The following COL25A1 variants were observed in gnomAD, a reference collection of about 807,000 sequenced individuals.
COL25A1 encodes collagen alpha-1(XXV) chain.
Under a neutral mutation model 128.4 loss-of-function variants are expected in COL25A1, and 103 were observed. That is an observed-to-expected ratio of 0.80 (90% CI 0.68 to 0.94). The LOEUF (loss-of-function observed/expected upper bound fraction) is 0.94, where lower values mean the gene tolerates loss of function less well. Ranked by LOEUF, COL25A1 falls within the 40% of genes least tolerant of loss-of-function variation. COL25A1 has a pLI of 0.00. For missense variants in COL25A1, 745 were observed against 840.0 expected, an observed-to-expected ratio of 0.89 and a Z score of 1.40; for synonymous variants, 279 against 277.2, an observed-to-expected ratio of 1.01 and a Z score of -0.06.
chr4:109,068,092 A>G (rs1273622600), intron 3 of COL25A1, among the ~76,000 whole-genome samples: 2 of 152,190 alleles, frequency 1.3e-5, no homozygotes, highest in Admixed American at 6.5e-5. Flanking sequence ...AGCTGTGCAT[A>G]TCTTCAGTAG....
chr4:109,121,289 G>C (rs1329765613), intron 3 of COL25A1, among the ~76,000 whole-genome samples: 1 of 151,832 alleles, frequency 6.6e-6, no homozygotes, highest in Non-Finnish European at 1.5e-5. Context: ...AATATAACTG[G>C]ACCTCATTAA....
chr4:109,143,512 T>G (rs1386756735), intron 3 of COL25A1, among the ~76,000 whole-genome samples: 1 of 152,194 alleles, frequency 6.6e-6, no homozygotes, highest in Non-Finnish European at 1.5e-5. Context: ...TCCAACTTGA[T>G]TCCATTCTCC....
chr4:108,901,071 T>C (rs1390774640), intron 14 of COL25A1, 48 bp downstream of exon 14: 8 of 1,414,380 alleles, frequency 5.7e-6, no homozygotes, highest in Admixed American at 1.7e-5. Flanking sequence ...TACAATTTCC[T>C]GACAATTCGT....
chr4:108,831,901 T>C (rs1187375184), intron 32 of COL25A1, among the ~76,000 whole-genome samples: 1 of 152,174 alleles, frequency 6.6e-6, no homozygotes, highest in Admixed American at 6.5e-5. Flanking sequence ...AAACAGCCTA[T>C]CCTTTAGCTT....
intron 6 of COL25A1, among the ~76,000 whole-genome samples, chr4:108,980,568 G>A (rs1234160253): frequency 1.3e-5 from 2 of 152,258 alleles, no homozygotes; most frequent in Non-Finnish European, 2.9e-5. Flanking sequence ...TGGCCTAATT[G>A]GAAATAGCTG....
chr4:109,014,529 A>G (rs962972285), intron 5 of COL25A1, among the ~76,000 whole-genome samples: 2 of 152,248 alleles, frequency 1.3e-5, no homozygotes, highest in Non-Finnish European at 2.9e-5. Flanking sequence ...CATTCCTGCC[A>G]TTATACTGAC....
intron 3 of COL25A1, among the ~76,000 whole-genome samples, chr4:109,109,763 C>T (rs918286893): frequency 1.3e-5 from 2 of 152,160 alleles, no homozygotes; most frequent in African/African-American, 2.4e-5. Flanking sequence ...GACTGGCTAT[C>T]TTGCTCCCTA....
Position 109,144,475 on chromosome 4 carries a change from G to A in COL25A1, c.368-94296C>T, listed in dbSNP as rs141548899. Among the ~76,000 whole-genome samples the A allele has an allele frequency of 2.9e-3, 443 of 152,336 alleles. 3 individuals are homozygous for A. Among genetic ancestry groups the A allele is most frequent in the Middle Eastern group, 0.017 (5 of 294 alleles). On this transcript the variant is annotated intron_variant, in intron 3 of 37. Transcript: ENST00000399132. ...ACAGTCAGCAGGGAAGAACGCTTAA[G>A]TCTGCTGAAGTTGCGCCCACAGCCG...
chr4:109,120,370 T>C (rs867850757), intron 3 of COL25A1, among the ~76,000 whole-genome samples: 61 of 152,082 alleles, frequency 4.0e-4, no homozygotes, highest in African/African-American at 1.4e-3. Flanking sequence ...TGATTGCCTA[T>C]GGAGAAAATT....
chr4:109,250,684 T>C (rs948913596), intron 3 of COL25A1, among the ~76,000 whole-genome samples: 4 of 152,068 alleles, frequency 2.6e-5, no homozygotes, highest in African/African-American at 9.7e-5. Flanking sequence ...TTGGAAGAGG[T>C]TTTCCCATAT....
chr4:108,843,767 A>G (rs1164851712), intron 30 of COL25A1, among the ~76,000 whole-genome samples: 1 of 152,286 alleles, frequency 6.6e-6, no homozygotes, highest in East Asian at 1.9e-4. Flanking sequence ...CATAATAACT[A>G]TATATTTATG....
At chr4:109,158,947 G>A (rs1578318243) in intron 3 of COL25A1, among the ~76,000 whole-genome samples, 2 of 151,942 alleles carry the variant, frequency 1.3e-5, no homozygotes, top group African/African-American at 4.8e-5. Context: ...TAAAGGCTTT[G>A]CCTGCCAATG....
chr4:108,972,923 A>G (rs879496503), intron 8 of COL25A1, among the ~76,000 whole-genome samples: 11 of 152,168 alleles, frequency 7.2e-5, no homozygotes, highest in Admixed American at 1.3e-4. Flanking sequence ...TTTATAATCA[A>G]TCATCACTCT....
chr4:109,136,711 T>A (rs1032822939), intron 3 of COL25A1, among the ~76,000 whole-genome samples: 13 of 152,326 alleles, frequency 8.5e-5, no homozygotes, highest in Non-Finnish European at 1.9e-4. Flanking sequence ...GTAAGCCATG[T>A]GTGGCGGGCA....
intron 11 of COL25A1, among the ~76,000 whole-genome samples, chr4:108,931,158 T>C (rs1326581244): frequency 1.3e-5 from 2 of 152,230 alleles, no homozygotes; most frequent in South Asian, 2.1e-4. Flanking sequence ...AAACTTAGCA[T>C]ATGACTGTTC....
intron 3 of COL25A1, among the ~76,000 whole-genome samples, chr4:109,242,607 A>G (rs770099052): frequency 2.6e-5 from 4 of 152,098 alleles, no homozygotes; most frequent in Non-Finnish European, 4.4e-5. Context: ...CTCACATTCT[A>G]TGTAAAAGGT....
chr4:109,087,768 T>G (rs1764542335), intron 3 of COL25A1, among the ~76,000 whole-genome samples: 1 of 152,190 alleles, frequency 6.6e-6, no homozygotes, highest in Non-Finnish European at 1.5e-5. Context: ...TATTGCTTTT[T>G]GCATACAAAA....
At chr4:108,945,818 C>T (rs1373088030) in intron 8 of COL25A1, among the ~76,000 whole-genome samples, 1 of 152,068 alleles carries the variant, frequency 6.6e-6, no homozygotes, top group East Asian at 1.9e-4. Context: ...GCATGCACCA[C>T]CATGCCCAGC....
At chr4:108,833,481 A>C (rs1560717448) in intron 31 of COL25A1, among the ~76,000 whole-genome samples, 1 of 152,228 alleles carries the variant, frequency 6.6e-6, no homozygotes, top group African/African-American at 2.4e-5. Flanking sequence ...TAGAATTGAA[A>C]AGATGGGAAT....
Sources: allele counts gnomAD v4.1 joint callset (sites outside exome capture counted in the v4.1 genomes callset), GRCh38; gene constraint gnomAD v4.1.1; transcripts MANE v1.5; gene names NCBI Gene and HGNC (gene_info 2026-07-23, HGNC 2026-07-21).